The following GMDS variants were observed in gnomAD, a reference collection of about 807,000 sequenced individuals.
The protein encoded by GMDS is GDP-mannose 4,6 dehydratase.
A neutral mutation model predicts 49.9 loss-of-function variants in GMDS; 20 were observed. The ratio of observed to expected loss-of-function variants is 0.40; its 90% confidence interval spans 0.28 to 0.58. GMDS has a LOEUF of 0.58. GMDS is among the 20% of genes least tolerant of loss of function. The pLI is 0.42. For missense variants in GMDS, 362 were observed against 481.4 expected (o/e 0.75, Z 2.32); for synonymous variants, 177 against 178.6 (o/e 0.99, Z 0.07).
intron 1 of GMDS, among the ~76,000 whole-genome samples, chr6:2,236,027 T>C (rs1024953043): frequency 1.2e-4 from 19 of 152,166 alleles, no homozygotes; most frequent in Non-Finnish European, 2.6e-4. Context: ...CATTTTAAGA[T>C]AGCAATAGTG....
chr6:2,225,186 T>C (rs1284792644), intron 1 of GMDS, among the ~76,000 whole-genome samples: 4 of 149,860 alleles, frequency 2.7e-5, no homozygotes, highest in Admixed American at 2.7e-4. Context: ...AAAAATTAGC[T>C]GGGCATGGTA....
chr6:2,157,746 T>C (rs933856416), intron 1 of GMDS, among the ~76,000 whole-genome samples: 2 of 152,232 alleles, frequency 1.3e-5, no homozygotes, highest in Non-Finnish European at 2.9e-5. Flanking sequence ...ACCATTAGCC[T>C]GTTTTGTGAA....
intron 7 of GMDS, among the ~76,000 whole-genome samples, chr6:1,814,025 T>C (rs1005519422): frequency 6.6e-6 from 1 of 152,238 alleles, no homozygotes; most frequent in Non-Finnish European, 1.5e-5. Context: ...AGTTCAGTGT[T>C]CTAAGGGAAC....
intron 4 of GMDS, among the ~76,000 whole-genome samples, chr6:2,092,943 T>TA (rs542973679): frequency 1.7e-3 from 256 of 152,290 alleles, no homozygotes; most frequent in Non-Finnish European, 3.2e-3. Flanking sequence ...TGTCAAGAAA[T>TA]ATGAAGGAGT....
At chr6:1,765,326 C>T (rs1434856841) in intron 7 of GMDS, among the ~76,000 whole-genome samples, 2 of 152,180 alleles carry the variant, frequency 1.3e-5, no homozygotes, top group Non-Finnish European at 1.5e-5. Flanking sequence ...CCAAGGCCAC[C>T]GCCTCTTTTC....
intron 7 of GMDS, among the ~76,000 whole-genome samples, chr6:1,911,131 CAG>C (rs1761031993): frequency 6.7e-6 from 1 of 149,236 alleles, no homozygotes. Flanking sequence ...GGGTAATAGA[CAG>C]GGCCCTCCAA....
Position 2,245,469 on chromosome 6 carries a change from G to A in GMDS, c.-47C>T. ...CGGCGGCAGGGCGGAGCGCGGCAGAGGGCAGGCGCGGTGCCGGCAGGAACG... is the reference window on the plus strand; with the variant it reads ...CGGCGGCAGGGCGGAGCGCGGCAGAAGGCAGGCGCGGTGCCGGCAGGAACG... On this transcript the variant is annotated 5_prime_UTR_variant, in exon 1 of 11. Transcript: ENST00000380815. The A allele has an allele frequency of 8.9e-7, 1 of 1,124,196 alleles. No homozygotes were observed. The highest frequency in any genetic ancestry group is 1.2e-6 in the Non-Finnish European group (1 of 855,236). The allele number at this position is 1,124,196 out of a possible 1,614,324, so 69.6% of individuals were successfully genotyped here.
At chr6:1,779,774 A>T (rs1186839138) in intron 7 of GMDS, among the ~76,000 whole-genome samples, 3 of 152,232 alleles carry the variant, frequency 2.0e-5, no homozygotes, top group Admixed American at 6.5e-5. Flanking sequence ...TTTCTTCTTT[A>T]ACTCATTGAA....
intron 7 of GMDS, among the ~76,000 whole-genome samples, chr6:1,810,773 G>C (rs1268831440): frequency 6.6e-6 from 1 of 152,206 alleles, no homozygotes; most frequent in African/African-American, 2.4e-5. Context: ...GGCGAGATCA[G>C]ATTGGCATTT....
chr6:1,652,155 T>C (rs550551875), intron 9 of GMDS, among the ~76,000 whole-genome samples: 1 of 150,546 alleles, frequency 6.6e-6, no homozygotes, highest in East Asian at 2.0e-4. Context: ...GTGGATCATC[T>C]GAGGTCAAGA....
Position 1,624,007 on chromosome 6 carries a change from TCGG to T in GMDS, c.*159_*161del, listed in dbSNP as rs1179395799. On this transcript the variant is annotated 3_prime_UTR_variant, in exon 11 of 11. Transcript: ENST00000380815. ...GGTCACATCCCGGCTGCTACAAACC[TCGG>T]CGGGGCGGCCCCGCTCTTGCGGCCG... 1.1e-5 allele frequency: 7 copies of T among 611,682 alleles called. No individual in the cohort carries two copies. Among genetic ancestry groups the T allele is most frequent in the Non-Finnish European group, 2.0e-5 (7 of 352,472 alleles). The allele number at this position is 611,682 out of a possible 1,614,324, so 37.9% of individuals were successfully genotyped here. A position where few individuals can be genotyped will look rare whatever the true frequency, so the allele number is the denominator to read the frequency against.
At chr6:1,823,677 T>C (rs1482072336) in intron 7 of GMDS, among the ~76,000 whole-genome samples, 2 of 152,162 alleles carry the variant, frequency 1.3e-5, no homozygotes, top group East Asian at 1.9e-4. Flanking sequence ...TTCCAGTAAA[T>C]TTACCCACTA....
At chr6:2,007,543 C>CT (rs1767271130) in intron 4 of GMDS, among the ~76,000 whole-genome samples, 1 of 151,792 alleles carries the variant, frequency 6.6e-6, no homozygotes, top group Admixed American at 6.6e-5. Flanking sequence ...TCTCTTGTTA[C>CT]TTTCAGTTTT....
intron 4 of GMDS, among the ~76,000 whole-genome samples, chr6:2,038,594 A>C (rs1769449555): frequency 6.6e-6 from 1 of 150,738 alleles, no homozygotes; most frequent in Non-Finnish European, 1.5e-5. Flanking sequence ...AAAAAAAAAC[A>C]GCTCTTCATA....
At chr6:1,728,818 T>C (rs1766684345) in intron 8 of GMDS, among the ~76,000 whole-genome samples, 1 of 152,186 alleles carries the variant, frequency 6.6e-6, no homozygotes, top group Admixed American at 6.5e-5. Context: ...CTCTGTTACA[T>C]ATTTTTCCTT....
At chr6:1,926,359 G>A (rs1375049719) in intron 7 of GMDS, among the ~76,000 whole-genome samples, 1 of 152,168 alleles carries the variant, frequency 6.6e-6, no homozygotes, top group East Asian at 1.9e-4. Context: ...CTGTGGGGTT[G>A]AGCCCCACAA....
At chr6:1,737,900 T>TACACACC in intron 8 of GMDS, among the ~76,000 whole-genome samples, 1 of 112,530 alleles carries the variant, frequency 8.9e-6, no homozygotes, top group South Asian at 3.0e-4. Flanking sequence ...CCCACACACA[T>TACACACC]ACACACCACA....
At chr6:1,659,979 C>G (rs1341635706) in intron 9 of GMDS, among the ~76,000 whole-genome samples, 1 of 151,792 alleles carries the variant, frequency 6.6e-6, no homozygotes, top group East Asian at 1.9e-4. Flanking sequence ...GTGGTGCACC[C>G]CAAAAGGAAG....
At chr6:1,961,473 T>C (rs1763939776) in intron 4 of GMDS, among the ~76,000 whole-genome samples, 1 of 152,240 alleles carries the variant, frequency 6.6e-6, no homozygotes, top group African/African-American at 2.4e-5. Flanking sequence ...TGTAATCTAT[T>C]ACACGAATGC....
Sources: allele counts gnomAD v4.1 joint callset (sites outside exome capture counted in the v4.1 genomes callset), GRCh38; gene constraint gnomAD v4.1.1; transcripts MANE v1.5; gene names NCBI Gene and HGNC (gene_info 2026-07-23, HGNC 2026-07-21).